RBPJ: variants seen among roughly 807,000 people sequenced by gnomAD.
RBPJ encodes recombining binding protein suppressor of hairless.
A neutral mutation model predicts 67.8 loss-of-function variants in RBPJ; 9 were observed. The ratio of observed to expected loss-of-function variants is 0.13; its 90% confidence interval spans 0.08 to 0.23. The LOEUF (loss-of-function observed/expected upper bound fraction) is 0.23, where lower values mean the gene tolerates loss of function less well. RBPJ is among the 10% of genes least tolerant of loss of function. RBPJ has a pLI of 1.00. For missense variants in RBPJ, 305 were observed against 595.6 expected (o/e 0.51, Z 5.08); for synonymous variants, 198 against 203.3 (o/e 0.97, Z 0.22).
At chr4:26,330,608 C>T (rs1055875357) in intron 1 of RBPJ, among the ~76,000 whole-genome samples, 1 of 152,154 alleles carries the variant, frequency 6.6e-6, no homozygotes, top group African/African-American at 2.4e-5. Flanking sequence ...TAGAAAGAAG[C>T]AGAATGGAAG....
intron 1 of RBPJ, among the ~76,000 whole-genome samples, chr4:26,290,507 T>C (rs1721633469): frequency 6.7e-6 from 1 of 150,258 alleles, no homozygotes; most frequent in Non-Finnish European, 1.5e-5. Flanking sequence ...GGCCAATTTT[T>C]TCCCCCAAAA....
At chr4:26,146,279 A>G in the RBPJ span, among the ~76,000 whole-genome samples, 1 of 152,240 alleles carries the variant, frequency 6.6e-6, no homozygotes, top group Non-Finnish European at 1.5e-5. Flanking sequence ...AAGTGCCAAC[A>G]TAATTTACTG....
intron 1 of RBPJ, among the ~76,000 whole-genome samples, chr4:26,337,802 T>G (rs977186858): frequency 1.4e-5 from 2 of 148,140 alleles, no homozygotes; most frequent in Non-Finnish European, 3.0e-5. Flanking sequence ...TCCTCCTCCC[T>G]CACCCTCCCC....
chr4:26,360,408 G>T (rs1225206303), intron 1 of RBPJ, among the ~76,000 whole-genome samples: 2 of 152,140 alleles, frequency 1.3e-5, no homozygotes, highest in Admixed American at 1.3e-4. Flanking sequence ...TCGAAGTACA[G>T]TCGTAACATT....
intron 1 of RBPJ, among the ~76,000 whole-genome samples, chr4:26,375,527 A>T (rs533005058): frequency 7.9e-4 from 121 of 152,334 alleles, no homozygotes; most frequent in African/African-American, 2.7e-3. Flanking sequence ...CTAGGAGAAC[A>T]GTTAATTATT....
intron 1 of RBPJ, among the ~76,000 whole-genome samples, chr4:26,211,691 G>C (rs1000080086): frequency 6.6e-6 from 1 of 152,134 alleles, no homozygotes; most frequent in African/African-American, 2.4e-5. Flanking sequence ...CCTTCCATTC[G>C]GGTAGACAGC....
chr4:26,200,423 C>G (rs1333865125), intron 1 of RBPJ, among the ~76,000 whole-genome samples: 4 of 152,204 alleles, frequency 2.6e-5, no homozygotes, highest in South Asian at 2.1e-4. Context: ...TATCTCAGAA[C>G]TTTGGGAGCC....
chr4:26,424,514 G>T lies in RBPJ; in HGVS notation c.634+35G>T, dbSNP rs779346574. ...AAAGTGTGCATTTAATGTTTTTAGTGTGAAATTGTTAAAATCTTTTGATGA... is the reference window on the plus strand; with the variant it reads ...AAAGTGTGCATTTAATGTTTTTAGTTTGAAATTGTTAAAATCTTTTGATGA... On this transcript the variant is annotated intron_variant, in intron 6 of 10. Transcript: ENST00000355476. This position sits in a 1 kb window ranked among gnomAD's most constrained non-coding sequence, Gnocchi z 5.3. The T allele has an allele frequency of 1.2e-6, 2 of 1,605,382 alleles. No individual in the cohort carries two copies. Among genetic ancestry groups the T allele is most frequent in the Admixed American group, 1.7e-5 (1 of 59,196 alleles).
intron 1 of RBPJ, among the ~76,000 whole-genome samples, chr4:26,379,952 G>T (rs1024956189): frequency 6.6e-6 from 1 of 152,102 alleles, no homozygotes; most frequent in East Asian, 1.9e-4. Flanking sequence ...ATCTTGCTTT[G>T]ATCACCTTTG....
intron 1 of RBPJ, among the ~76,000 whole-genome samples, chr4:26,322,552 T>C (rs1723195428): frequency 6.6e-6 from 1 of 152,162 alleles, no homozygotes; most frequent in Non-Finnish European, 1.5e-5. Flanking sequence ...GGGGTTGAAA[T>C]GAGGACAGCA....
chr4:26,390,297 T>C (rs939851431), intron 2 of RBPJ, among the ~76,000 whole-genome samples: 1 of 152,184 alleles, frequency 6.6e-6, no homozygotes, highest in African/African-American at 2.4e-5. Flanking sequence ...TTTAACAACA[T>C]GCTGATTGGT....
chr4:26,258,588 A>G (rs931547378), intron 1 of RBPJ, among the ~76,000 whole-genome samples: 12 of 152,212 alleles, frequency 7.9e-5, no homozygotes, highest in African/African-American at 2.7e-4. Context: ...AGTTCATAGA[A>G]AAGTGCAATT....
At chr4:26,214,686 G>C (rs1411277892) in intron 1 of RBPJ, among the ~76,000 whole-genome samples, 1 of 105,124 alleles carries the variant, frequency 9.5e-6, no homozygotes, top group East Asian at 3.7e-4. Flanking sequence ...AGGGAGGAGA[G>C]AGGGAGGAAG....
At chr4:26,108,302 G>A in the RBPJ span, among the ~76,000 whole-genome samples, 4 of 152,174 alleles carry the variant, frequency 2.6e-5, no homozygotes, top group Non-Finnish European at 5.9e-5. Context: ...GCAGAGGTAG[G>A]CAAGAGAAGA....
At chr4:26,278,420 T>C (rs1721151563) in intron 1 of RBPJ, among the ~76,000 whole-genome samples, 1 of 152,220 alleles carries the variant, frequency 6.6e-6, no homozygotes, top group African/African-American at 2.4e-5. Context: ...TTGGCTGATA[T>C]CTGATAGAAA....
chr4:26,127,361 C>T, the RBPJ span, among the ~76,000 whole-genome samples: 1 of 152,196 alleles, frequency 6.6e-6, no homozygotes, highest in African/African-American at 2.4e-5. Context: ...TAGTCCACAT[C>T]AAAGGTCACC....
At chr4:26,327,034 TG>T (rs774380687) in intron 1 of RBPJ, among the ~76,000 whole-genome samples, 7 of 152,186 alleles carry the variant, frequency 4.6e-5, no homozygotes, top group Non-Finnish European at 8.8e-5. Flanking sequence ...CTTCTCTGCT[TG>T]GGCAGCTGTA....
intron 1 of RBPJ, among the ~76,000 whole-genome samples, chr4:26,328,711 C>T (rs979650373): frequency 1.4e-4 from 21 of 152,172 alleles, no homozygotes; most frequent in African/African-American, 5.1e-4. Flanking sequence ...TCACTGCAGC[C>T]TCAACCTCCT....
chr4:26,395,600 C>G (rs574354751), intron 2 of RBPJ, among the ~76,000 whole-genome samples: 34 of 152,256 alleles, frequency 2.2e-4, no homozygotes, highest in Admixed American at 4.6e-4. Flanking sequence ...TCTGGCACCT[C>G]CCTTCCCTCT....
Sources: gnomAD v4.1 joint callset for allele counts (sites outside exome capture counted in the v4.1 genomes callset) on GRCh38, gnomAD v4.1.1 for gene constraint, Gnocchi (gnomAD v3.1) non-coding constraint, MANE v1.5 for transcripts, NCBI Gene and HGNC (gene_info 2026-07-23, HGNC 2026-07-21) for gene names.